MED23: variants seen among roughly 807,000 people sequenced by gnomAD.
The protein encoded by MED23 is mediator complex subunit 23, also known as mediator of RNA polymerase II transcription subunit 23.
MED23 carries 105 observed loss-of-function variants against 163.9 expected under a neutral mutation model. The observed-to-expected ratio is 0.64, with a 90% CI of 0.55 to 0.75. The LOEUF (loss-of-function observed/expected upper bound fraction) is 0.75. Among genes scored for constraint, MED23 ranks in the 30% least tolerant of loss-of-function variants. MED23 has a pLI of 0.00. For synonymous variants in MED23, 561 were observed against 565.6 expected, an observed-to-expected ratio of 0.99 and a Z score of 0.12; for missense variants, 1,054 against 1,649.0, an observed-to-expected ratio of 0.64 and a Z score of 6.25.
chr6:131,601,034 G>C (rs1775436847), intron 17 of MED23, among the ~76,000 whole-genome samples: 1 of 131,286 alleles, frequency 7.6e-6, no homozygotes, highest in African/African-American at 3.8e-5. Flanking sequence ...AGTTAAATCA[G>C]CTGCTTTTTT....
intron 10 of MED23, among the ~76,000 whole-genome samples, chr6:131,613,662 A>G (rs757840574): frequency 5.9e-5 from 9 of 152,200 alleles, no homozygotes; most frequent in Non-Finnish European, 8.8e-5. Context: ...GTTTTCTATG[A>G]AAACGATTAC....
chr6:131,618,200 A>G (rs911178045), intron 9 of MED23, among the ~76,000 whole-genome samples: 1 of 152,228 alleles, frequency 6.6e-6, no homozygotes, highest in Non-Finnish European at 1.5e-5. Context: ...ACTTTGCCAG[A>G]GGTGGACCAC....
chr6:131,588,896 C>T (rs189887578), intron 28 of MED23, among the ~76,000 whole-genome samples: 1 of 152,314 alleles, frequency 6.6e-6, no homozygotes, highest in African/African-American at 2.4e-5. Flanking sequence ...TAAAGTGACA[C>T]AGAACGAATC....
downstream of MED23, chr6:131,582,526 T>C: frequency 1.1e-6 from 1 of 910,226 alleles, no homozygotes; most frequent in Non-Finnish European, 1.8e-6. Flanking sequence ...ATTCTAAATA[T>C]AAGATATACG....
chr6:131,610,852 T>A (rs1585532476), intron 10 of MED23, among the ~76,000 whole-genome samples: 1 of 152,262 alleles, frequency 6.6e-6, no homozygotes, highest in East Asian at 1.9e-4. Context: ...AAAAAATTGA[T>A]CTCTCTGCTC....
At chr6:131,608,129 G>A (rs1189834352) in intron 11 of MED23, 58 bp from the exon 12 acceptor site, 40 of 1,588,904 alleles carry the variant, frequency 2.5e-5, no homozygotes, top group Non-Finnish European at 3.4e-5. Context: ...ATGAATACAG[G>A]AAGTTTTTGT....
At chr6:131,579,285 GGTCTT>G in intron 30 of MED23, 1 of 1,613,912 alleles carries the variant, frequency 6.2e-7, no homozygotes, top group Middle Eastern at 1.7e-4. Context: ...GGAGACCACA[GGTCTT>G]GTTGAATAAC....
chr6:131,596,410 G>T, intron 21 of MED23, 108 bp downstream of exon 21: 1 of 1,277,986 alleles, frequency 7.8e-7, no homozygotes, highest in Non-Finnish European at 1.1e-6. Context: ...CTTCTATATA[G>T]ACAAGAGAAA....
intron 30 of MED23, among the ~76,000 whole-genome samples, chr6:131,580,830 G>A (rs1484295682): frequency 1.3e-5 from 2 of 152,174 alleles, no homozygotes; most frequent in Non-Finnish European, 2.9e-5. Flanking sequence ...TACCAAGAGA[G>A]ATGAGTGTAC....
chr6:131,594,805 AAAAC>A lies in MED23; in HGVS notation c.2996-474_2996-471del, dbSNP rs149049119. On this transcript the variant is annotated intron_variant, in intron 22 of 28. Transcript: ENST00000368068. ...AAACAGGGTACAGAACACTTGTGTT[AAAAC>A]AAACAAACAAACAAACAAACAAACA... Among the ~76,000 whole-genome samples the A allele has an allele frequency of 3.6e-3, 262 of 72,996 alleles. 1 individual carries two copies. Among genetic ancestry groups the A allele is most frequent in the Non-Finnish European group, 7.6e-3 (200 of 26,288 alleles). The allele number at this position is 72,996 out of a possible 152,430, so 47.9% of individuals were successfully genotyped here. A position where few individuals can be genotyped will look rare whatever the true frequency, so the allele number is the denominator to read the frequency against.
chr6:131,622,203 C>G (rs1295833714), intron 5 of MED23, among the ~76,000 whole-genome samples: 2 of 152,196 alleles, frequency 1.3e-5, no homozygotes, highest in African/African-American at 4.8e-5. Context: ...AGTCATTATA[C>G]AGTTTGTCAA....
At chr6:131,592,330 G>T in intron 25 of MED23, 58 bp downstream of exon 25, 1 of 1,477,466 alleles carries the variant, frequency 6.8e-7, no homozygotes, top group Admixed American at 1.7e-5. Context: ...TCTTTTTGCT[G>T]ACATGGAACA....
downstream of MED23, chr6:131,583,770 A>G (rs748654016): frequency 8.1e-6 from 13 of 1,613,954 alleles, no homozygotes; most frequent in African/African-American, 1.6e-4. Flanking sequence ...ATATAATGGA[A>G]GTGAACCCAT....
chr6:131,582,684 A>T, downstream of MED23: 1 of 1,613,818 alleles, frequency 6.2e-7, no homozygotes, highest in Non-Finnish European at 8.5e-7. Flanking sequence ...TATTGTGTAT[A>T]TTGGCTTGAG....
rs968603394 is a variant in MED23 at position 131,592,554 on chromosome 6, A to G, written c.3399-94T>C. 5.5e-6 allele frequency: 6 copies of G among 1,085,516 alleles called. No individual in the cohort carries two copies. In the African/African-American group the frequency reaches 9.4e-5, roughly 17 times the overall value. The allele number at this position is 1,085,516 out of a possible 1,614,324, so 67.2% of individuals were successfully genotyped here. A position where few individuals can be genotyped will look rare whatever the true frequency, so the allele number is the denominator to read the frequency against. On this transcript the variant is annotated intron_variant, in intron 24 of 28. Transcript: ENST00000368068. ...TATTTTTAAAGAATATGTCTAATTC[A>G]GAGGATCGACAACTAATCCATTTCA...
chr6:131,582,957 T>C (rs1774010840), downstream of MED23: 2 of 896,086 alleles, frequency 2.2e-6, no homozygotes, highest in Non-Finnish European at 3.4e-6. Context: ...TCATAGAACC[T>C]AAATGTTTTA....
At chr6:131,585,791 T>C (rs1774154842), downstream of MED23, among the ~76,000 whole-genome samples, 1 of 152,250 alleles carries the variant, frequency 6.6e-6, no homozygotes, top group South Asian at 2.1e-4. Context: ...AAATAAAGTT[T>C]TTGTCTTCTA....
intron 28 of MED23, 63 bp from the exon 29 acceptor site, chr6:131,587,909 A>G: frequency 7.0e-7 from 1 of 1,424,174 alleles, no homozygotes; most frequent in Non-Finnish European, 9.7e-7. Context: ...TCACATTTAA[A>G]GCAGGATTTA....
chr6:131,614,003 G>T (rs1005741310), intron 10 of MED23, among the ~76,000 whole-genome samples: 2 of 152,044 alleles, frequency 1.3e-5, no homozygotes, highest in African/African-American at 4.8e-5. Flanking sequence ...ATGACTTAAG[G>T]TTCACTGTAA....
Sources: gnomAD v4.1 joint callset for allele counts (sites outside exome capture counted in the v4.1 genomes callset) on GRCh38, gnomAD v4.1.1 for gene constraint, MANE v1.5 for transcripts, NCBI Gene and HGNC (gene_info 2026-07-23, HGNC 2026-07-21) for gene names.